SEMA4F: variants seen among roughly 807,000 people sequenced by gnomAD.
SEMA4F encodes the protein semaphorin-4F.
A neutral mutation model predicts 78.4 loss-of-function variants in SEMA4F; 51 were observed. The ratio of observed to expected loss-of-function variants is 0.65; its 90% CI spans 0.52 to 0.82. The LOEUF is 0.82. Ranked by LOEUF, SEMA4F falls within the 40% of genes least tolerant of loss-of-function variation. The probability of loss-of-function intolerance (pLI) is 0.00; values close to 1 mark genes in which losing one functional copy is unlikely to be tolerated. For synonymous variants in SEMA4F, 418 were observed against 408.7 expected (o/e 1.02, Z -0.27); for missense variants, 938 against 1,014.4 (o/e 0.92, Z 1.02).
Position 74,679,881 on chromosome 2 carries a change from G to C in SEMA4F, c.1985G>C (p.Gly662Ala), listed in dbSNP as rs767078232. ...APSRAHTVGA[G>A]LAGFFLGILA... ...AGCCGGGCCCACACAGTGGGGGCGG[G>C]ACTGGCTGGCTTCTTCTTGGGGATT... Residue 662 changes from glycine to alanine, a missense_variant, in exon 14 of 14, where the codon GGA (glycine) becomes GCA (alanine). Transcript: ENST00000357877. The C allele has an allele frequency of 6.2e-7, 1 of 1,614,226 alleles. No individual in the cohort carries two copies. The highest frequency in any genetic ancestry group is 1.1e-5 in the South Asian group (1 of 91,088).
chr2:74,692,620 C>T, the SEMA4F span, among the ~76,000 whole-genome samples: 1 of 152,312 alleles, frequency 6.6e-6, no homozygotes, highest in East Asian at 1.9e-4. Context: ...GCTGGGAGTT[C>T]TTTGCAAACA....
chr2:74,658,538 A>G lies in SEMA4F; in HGVS notation c.456+587A>G, dbSNP rs6732836. ...TGCCTTCAGGGCGGGCACTCTGTCA[A>G]TCATGTTTTCTTATAGATCCTGTTT... On this transcript the variant is annotated intron_variant, in intron 4 of 13. Transcript: ENST00000357877. This position sits in a 1 kb window ranked among gnomAD's most constrained non-coding sequence, Gnocchi z 4.3. 0.049 allele frequency among the ~76,000 whole-genome samples: 7,427 copies of G among 152,272 alleles called. 629 individuals are homozygous for G. Among genetic ancestry groups the G allele is most frequent in the African/African-American group, 0.17 (7,082 of 41,528 alleles).
chr2:74,707,666 G>A, the SEMA4F span, among the ~76,000 whole-genome samples: 1 of 152,186 alleles, frequency 6.6e-6, no homozygotes, highest in Non-Finnish European at 1.5e-5. Flanking sequence ...GGTGACAAAT[G>A]ACAGTGATTC....
downstream of SEMA4F, chr2:74,683,909 C>T (rs1685746913): frequency 6.6e-6 from 1 of 152,116 alleles, no homozygotes; most frequent in African/African-American, 2.4e-5. Flanking sequence ...ATTTCTAAAA[C>T]GATCTGTCTG....
intron 2 of SEMA4F, among the ~76,000 whole-genome samples, chr2:74,656,910 A>G (rs1312345160): frequency 1.3e-5 from 2 of 151,908 alleles, no homozygotes; most frequent in East Asian, 3.9e-4. Flanking sequence ...GTTCATGATG[A>G]TGGGGAGGAG....
rs1204805983 is a variant in SEMA4F, at chr2:74,654,441, T to C, written c.65T>C (p.Leu22Pro). 2 of 1,573,972 alleles carry C rather than the reference T, an allele frequency of 1.3e-6. No individual in the cohort carries two copies. The highest frequency in any genetic ancestry group is 1.7e-6 in the Non-Finnish European group (2 of 1,165,528). Residue 22 changes from leucine (L) to proline (P), a missense_variant, in exon 1 of 14, where the codon CTA (leucine) becomes CCA (proline). Physicochemically the swap from Leu to Pro is moderately conservative, Grantham distance 98. Transcript: ENST00000357877. The part of the protein sequence containing the change: ...PGQPTASPFP[L>P]LLLAVLSGPV... ...CAGCCTACAGCCTCGCCCTTCCCGC[T>C]ACTGCTGCTGGCGGTGCTGAGCGGC...
chr2:74,678,943 T>C (rs1685429624), intron 12 of SEMA4F, among the ~76,000 whole-genome samples: 1 of 152,202 alleles, frequency 6.6e-6, no homozygotes, highest in Admixed American at 6.5e-5. Flanking sequence ...TAGAGAAATC[T>C]TGTGGTTGTG....
At chr2:74,657,399 T>G (rs1055050077) in intron 2 of SEMA4F, among the ~76,000 whole-genome samples, 166 bp from the exon 3 acceptor site, 2 of 152,246 alleles carry the variant, frequency 1.3e-5, no homozygotes, top group Non-Finnish European at 2.9e-5. Context: ...GAATTGATTT[T>G]ATTACTCATT....
rs1465949583 is a variant in SEMA4F, at chr2:74,679,619, G to T, written c.1723G>T (p.Val575Phe). The change falls in exon 14 of 14, where the codon GTT (valine) becomes TTT (phenylalanine). Residue 575 changes from valine to phenylalanine, a missense_variant. Physicochemically the swap from Val to Phe is conservative, Grantham distance 50. Coordinates refer to ENST00000357877, the MANE Select transcript of SEMA4F (RefSeq NM_004263.5). ...CACAGAACGTCCAGTAGTGTTTGAA[G>T]TTCCCGTGGCTACAGCTGCGCATGT... Reference protein sequence around the residue: ...EPGERPVVFEVPVATAAHVVL... With the variant: ...EPGERPVVFEFPVATAAHVVL... 1 of 1,604,316 alleles carries T rather than the reference G, an allele frequency of 6.2e-7. No individual in the cohort carries two copies. Among genetic ancestry groups the T allele is most frequent in the South Asian group, 1.1e-5 (1 of 90,818 alleles).
intron 12 of SEMA4F, among the ~76,000 whole-genome samples, chr2:74,677,651 G>A (rs562529811): frequency 6.6e-6 from 1 of 152,242 alleles, no homozygotes; most frequent in South Asian, 2.1e-4. Context: ...CACTTGATTC[G>A]AAAGTGTTTT....
chr2:74,686,491 T>C (rs1419057956), downstream of SEMA4F, among the ~76,000 whole-genome samples: 6 of 152,306 alleles, frequency 3.9e-5, no homozygotes, highest in South Asian at 1.0e-3. Context: ...GGATCTAGAA[T>C]TAGAAGTACC....
chr2:74,696,176 C>T, the SEMA4F span, among the ~76,000 whole-genome samples: 1 of 148,206 alleles, frequency 6.7e-6, no homozygotes, highest in Admixed American at 6.7e-5. Context: ...AAAAACATCT[C>T]TCCTGCCTCT....
At chr2:74,657,444 C>G (rs1684213235) in intron 2 of SEMA4F, 121 bp from the exon 3 acceptor site, 1 of 821,694 alleles carries the variant, frequency 1.2e-6, no homozygotes, top group Non-Finnish European at 2.0e-6. Flanking sequence ...AAACAATGCT[C>G]TAGGGGGACT....
At chr2:74,674,357 C>T in intron 7 of SEMA4F, 141 bp from the exon 8 acceptor site, 1 of 698,144 alleles carries the variant, frequency 1.4e-6, no homozygotes, top group Non-Finnish European at 2.4e-6. Context: ...CTGTGTGGCT[C>T]TCTGTCCTTG....
the SEMA4F span, among the ~76,000 whole-genome samples, chr2:74,693,116 A>G: frequency 6.6e-6 from 1 of 152,264 alleles, no homozygotes; most frequent in African/African-American, 2.4e-5. Flanking sequence ...TATTTTCAAT[A>G]AACATAGTAT....
intron 12 of SEMA4F, among the ~76,000 whole-genome samples, chr2:74,677,411 C>T (rs1042438250): frequency 6.6e-6 from 1 of 152,004 alleles, no homozygotes; most frequent in East Asian, 1.9e-4. Flanking sequence ...TCTTTCTGTC[C>T]GTATCTCTAA....
At chr2:74,666,745 A>G (rs143543808) in intron 5 of SEMA4F, among the ~76,000 whole-genome samples, 8 of 152,348 alleles carry the variant, frequency 5.3e-5, no homozygotes, top group African/African-American at 1.9e-4. Flanking sequence ...TTATATAATC[A>G]TTAGAACCAA....
At chr2:74,696,485 A>G in the SEMA4F span, among the ~76,000 whole-genome samples, 1 of 151,998 alleles carries the variant, frequency 6.6e-6, no homozygotes, top group Non-Finnish European at 1.5e-5. Context: ...GGCATGAGCC[A>G]CCGCGCCCGG....
the SEMA4F span, among the ~76,000 whole-genome samples, chr2:74,695,066 G>C: frequency 6.6e-6 from 1 of 151,314 alleles, no homozygotes; most frequent in Admixed American, 6.5e-5. Context: ...GCTGGGAGGA[G>C]AATTTTTTTT....
Sources: allele counts gnomAD v4.1 joint callset (sites outside exome capture counted in the v4.1 genomes callset), GRCh38; gene constraint gnomAD v4.1.1; non-coding constraint Gnocchi (gnomAD v3.1); transcripts MANE v1.5; gene names NCBI Gene and HGNC (gene_info 2026-07-23, HGNC 2026-07-21).